OPCML: variants seen among roughly 807,000 people sequenced by gnomAD.
The protein encoded by OPCML is opioid binding protein/cell adhesion molecule like, also known as opioid-binding protein/cell adhesion molecule.
OPCML carries 13 observed loss-of-function variants against 37.8 expected under a neutral mutation model. The ratio of observed to expected loss-of-function variants is 0.34; its 90% CI spans 0.22 to 0.55. The LOEUF is 0.55. OPCML is among the 20% of genes least tolerant of loss of function. The pLI is 0.91. For missense variants in OPCML, 341 were observed against 435.6 expected (o/e 0.78, Z 1.93); for synonymous variants, 176 against 168.8 (o/e 1.04, Z -0.33).
At chr11:133,256,769 T>G (rs934986321) in intron 1 of OPCML, among the ~76,000 whole-genome samples, 18 of 152,216 alleles carry the variant, frequency 1.2e-4, no homozygotes, top group Non-Finnish European at 2.5e-4. Flanking sequence ...ATGATATAGA[T>G]TACATAAAAA....
rs528422364 is a variant in OPCML, at chr11:132,674,966, G to A, written c.147-17647C>T. ...TTGTGAATAAGCTTTTCCACTTACC[G>A]TTTTTAAATCAGCTACTATTCATAT... On this transcript the variant is annotated intron_variant, in intron 2 of 7. Transcript: ENST00000524381. Among the ~76,000 whole-genome samples, 8 of 152,120 alleles carry A rather than the reference G, an allele frequency of 5.3e-5. No homozygotes were observed. In the South Asian group the frequency reaches 6.2e-4, roughly 12 times the overall value.
chr11:133,099,691 T>G (rs1028196458), intron 1 of OPCML, among the ~76,000 whole-genome samples: 6 of 152,190 alleles, frequency 3.9e-5, no homozygotes, highest in Non-Finnish European at 1.5e-5. Flanking sequence ...TTTTTTCATA[T>G]GCCTGTTGGA....
At chr11:133,389,559 A>T (rs1382779190) in intron 1 of OPCML, among the ~76,000 whole-genome samples, 1 of 152,174 alleles carries the variant, frequency 6.6e-6, no homozygotes, top group African/African-American at 2.4e-5. Flanking sequence ...AATAAAATAG[A>T]TGTTCACAGG....
chr11:132,755,882 G>A (rs1540206), intron 2 of OPCML, among the ~76,000 whole-genome samples: 119,111 of 152,114 alleles, frequency 0.78, 47,679 homozygotes, highest in East Asian at 0.96. Context: ...ACCACCCCTT[G>A]ACAAGAGTGA....
intron 3 of OPCML, among the ~76,000 whole-genome samples, chr11:132,654,645 T>TCCAAGAGAAGATCTTCC (rs1565749518): frequency 2.9e-5 from 2 of 68,674 alleles, no homozygotes; most frequent in Non-Finnish European, 6.2e-5. Context: ...GAACATCATC[T>TCCAAGAGAAGATCTTCC]CCAAGAGAAG....
intron 2 of OPCML, among the ~76,000 whole-genome samples, chr11:132,868,858 G>A (rs80025490): frequency 0.029 from 4,431 of 152,276 alleles, 80 homozygotes; most frequent in Middle Eastern, 0.051. Flanking sequence ...AAGTGCATGT[G>A]TCCATGCACA....
At chr11:132,541,110 T>G (rs1274196671) in intron 3 of OPCML, among the ~76,000 whole-genome samples, 1 of 152,244 alleles carries the variant, frequency 6.6e-6, no homozygotes, top group Non-Finnish European at 1.5e-5. Context: ...GGAAGTACTT[T>G]GGTTCCAGTC....
At chr11:133,116,736 T>C (rs1344857545) in intron 1 of OPCML, among the ~76,000 whole-genome samples, 2 of 151,838 alleles carry the variant, frequency 1.3e-5, no homozygotes, top group Admixed American at 6.6e-5. Flanking sequence ...GTTTCTAGTA[T>C]ACCAAGTTAC....
chr11:133,004,181 A>C (rs1354899938), intron 1 of OPCML: 1 of 985,298 alleles, frequency 1.0e-6, no homozygotes, highest in Non-Finnish European at 1.2e-6. Context: ...CTGCCGTCTC[A>C]TCTGAGGCCT....
At chr11:132,991,366 GA>G (rs1282451902) in intron 1 of OPCML, among the ~76,000 whole-genome samples, 1 of 152,054 alleles carries the variant, frequency 6.6e-6, no homozygotes, top group Non-Finnish European at 1.5e-5. Context: ...GCCCCTAATA[GA>G]ACAAAATCTA....
intron 1 of OPCML, among the ~76,000 whole-genome samples, chr11:133,256,722 A>G (rs1446723062): frequency 6.6e-6 from 1 of 152,276 alleles, no homozygotes; most frequent in African/African-American, 2.4e-5. Context: ...TTAAGTAAAC[A>G]CATAAATAGC....
chr11:133,179,693 G>A (rs1206678493), intron 1 of OPCML, among the ~76,000 whole-genome samples: 2 of 152,216 alleles, frequency 1.3e-5, no homozygotes, highest in Non-Finnish European at 2.9e-5. Context: ...TATACACTGA[G>A]AGCAGAGTGT....
intron 3 of OPCML, among the ~76,000 whole-genome samples, chr11:132,551,759 C>A (rs2096382193): frequency 6.6e-6 from 1 of 152,146 alleles, no homozygotes; most frequent in Non-Finnish European, 1.5e-5. Context: ...TTCTCCCACC[C>A]ACCAAATTAT....
chr11:132,943,216 G>T lies in OPCML; in HGVS notation c.62-206C>A, dbSNP rs1004863285. On this transcript the variant is annotated intron_variant, in intron 1 of 7. Transcript: ENST00000524381. The surrounding 1 kb of genome is among the most constrained non-coding windows in gnomAD (Gnocchi z 4.3). ...AAGGGGCAGAGTTCGCCAGGAGCAG[G>T]GGGAAGGAGAAGAGAGGAGTCCGGG... 2.3e-5 allele frequency: 33 copies of T among 1,455,700 alleles called. No homozygotes were observed. The East Asian group carries it at 7.8e-4, about 35-fold the overall frequency. 90.2% of individuals were successfully genotyped at this position (1,455,700 alleles called of 1,614,324 possible).
At position 132,849,109 on chromosome 11, in the gene OPCML, G is replaced by A. The variant is rs940295192; in HGVS notation, c.146+93817C>T. The stretch of plus-strand genomic sequence containing the variant: ...GTGCCATACTACTAAAATGTAGTTC[G>A]CTTCATGTTAAATAGTTTACAATGC... On this transcript the variant is annotated intron_variant, in intron 2 of 7. Coordinates refer to ENST00000524381, the MANE Select transcript of OPCML (RefSeq NM_001012393.5). 5.9e-5 allele frequency among the ~76,000 whole-genome samples: 9 copies of A among 152,256 alleles called. No individual in the cohort carries two copies. The East Asian group carries it at 9.7e-4, about 16-fold the overall frequency.
At chr11:132,763,912 A>G (rs1373960346) in intron 2 of OPCML, among the ~76,000 whole-genome samples, 4 of 152,248 alleles carry the variant, frequency 2.6e-5, no homozygotes, top group South Asian at 2.1e-4. Flanking sequence ...CTAGAACTCA[A>G]TGATAAATAA....
intron 1 of OPCML, chr11:133,420,541 T>C (rs919198676): frequency 1.0e-5 from 10 of 982,082 alleles, no homozygotes; most frequent in Non-Finnish European, 1.2e-5. Flanking sequence ...TTTAGATCCA[T>C]CTGCAAACAT....
At chr11:132,970,258 A>C (rs756255907) in intron 1 of OPCML, among the ~76,000 whole-genome samples, 1 of 152,202 alleles carries the variant, frequency 6.6e-6, no homozygotes, top group Non-Finnish European at 1.5e-5. Context: ...TCCTCAAAGA[A>C]TTATATAGGC....
chr11:132,420,224 G>T lies in OPCML; in HGVS notation c.986C>A (p.Thr329Asn), dbSNP rs772142837. 1 of 1,613,922 alleles carries T rather than the reference G, an allele frequency of 6.2e-7. No homozygotes were observed. Among genetic ancestry groups the T allele is most frequent in the Non-Finnish European group, 8.5e-7 (1 of 1,179,880 alleles). The change falls in exon 8 of 8, where the codon ACC (threonine) becomes AAC (asparagine). Residue 329 changes from threonine (T) to asparagine (N), a missense_variant. By Grantham distance (65) the Thr-to-Asn change is moderately conservative. Coordinates refer to ENST00000524381, the MANE Select transcript of OPCML (RefSeq NM_001012393.5). Reference sequence around the variant, plus strand: ...CTTGATGAAGAAGTGGGCTAAGAGGGTCCCTGATAGCCAGAGACAAGCCAG... The same window carrying T: ...CTTGATGAAGAAGTGGGCTAAGAGGTTCCCTGATAGCCAGAGACAAGCCAG... ...RALACLWLSGTLLAHFFIKF is the reference protein window; with the variant it reads ...RALACLWLSGNLLAHFFIKF
Sources: allele counts gnomAD v4.1 joint callset (sites outside exome capture counted in the v4.1 genomes callset), GRCh38; gene constraint gnomAD v4.1.1; non-coding constraint Gnocchi (gnomAD v3.1); transcripts MANE v1.5; gene names NCBI Gene and HGNC (gene_info 2026-07-23, HGNC 2026-07-21).